The following AUTS2 variants were observed in gnomAD, a reference collection of about 807,000 sequenced individuals.
AUTS2 encodes the protein autism susceptibility gene 2 protein.
In AUTS2, 17 loss-of-function variants were observed where a neutral mutation model predicts 112.4. The observed-to-expected ratio is 0.15, with a 90% CI of 0.10 to 0.23. The LOEUF is 0.23. AUTS2 is among the 10% of genes least tolerant of loss of function. The pLI, the probability that AUTS2 is intolerant of heterozygous loss-of-function variation, is 1.00. For synonymous variants in AUTS2, 751 were observed against 702.7 expected (o/e 1.07, Z -1.09); for missense variants, 1,510 against 1,701.6 (o/e 0.89, Z 1.98).
intron 2 of AUTS2, among the ~76,000 whole-genome samples, chr7:70,030,136 T>C (rs747078159): frequency 5.3e-5 from 8 of 152,208 alleles, no homozygotes; most frequent in Non-Finnish European, 8.8e-5. Context: ...ACTACCATGA[T>C]TGGCCCAAAT....
chr7:70,155,107 TAG>T (rs940306504), intron 4 of AUTS2, among the ~76,000 whole-genome samples: 2 of 152,174 alleles, frequency 1.3e-5, no homozygotes, highest in African/African-American at 2.4e-5. Flanking sequence ...GGAATATTTC[TAG>T]AGAGTGGTCA....
chr7:69,866,598 T>C (rs1793244615), intron 1 of AUTS2, among the ~76,000 whole-genome samples: 1 of 152,224 alleles, frequency 6.6e-6, no homozygotes, highest in Non-Finnish European at 1.5e-5. Context: ...AAATGCAATA[T>C]ACTGTTGCAA....
chr7:70,791,172 T>TTGAGA lies in AUTS2; in HGVS notation c.*178_*182dup. The TTGAGA allele has an allele frequency of 1.7e-6, 1 of 600,460 alleles. No individual in the cohort carries two copies. Among genetic ancestry groups the TTGAGA allele is most frequent in the Non-Finnish European group, 2.4e-6 (1 of 408,372 alleles). The allele number at this position is 600,460 out of a possible 1,614,324, so 37.2% of individuals were successfully genotyped here. ...TTTGAAATGTTTTGTATATTATATGTTGAGATTTTTCAGATCTTTTAGCCC... is the reference window on the plus strand; with the variant it reads ...TTTGAAATGTTTTGTATATTATATGTTGAGATGAGATTTTTCAGATCTTTTAGCCC... On this transcript the variant is annotated 3_prime_UTR_variant, in exon 19 of 19. Coordinates refer to ENST00000342771, the MANE Select transcript of AUTS2 (RefSeq NM_015570.4).
intron 2 of AUTS2, among the ~76,000 whole-genome samples, chr7:69,998,077 C>A (rs1009828633): frequency 2.0e-5 from 3 of 152,112 alleles, no homozygotes; most frequent in Non-Finnish European, 4.4e-5. Flanking sequence ...TTTGAATACA[C>A]CCAATTTCTC....
At chr7:70,231,943 T>G (rs972091898) in intron 4 of AUTS2, among the ~76,000 whole-genome samples, 3 of 151,738 alleles carry the variant, frequency 2.0e-5, no homozygotes, top group Non-Finnish European at 4.4e-5. Context: ...CTGGCTAATT[T>G]TTTTGTATTT....
At chr7:70,383,562 T>G (rs1262581915) in intron 4 of AUTS2, among the ~76,000 whole-genome samples, 7 of 152,238 alleles carry the variant, frequency 4.6e-5, no homozygotes, top group Admixed American at 4.6e-4. Context: ...GCAGAATCTG[T>G]TCTGCATCTT....
chr7:70,698,362 A>AT (rs58543886), intron 5 of AUTS2, among the ~76,000 whole-genome samples: 5 of 150,484 alleles, frequency 3.3e-5, no homozygotes, highest in Admixed American at 6.6e-5. Flanking sequence ...TTAAAATCAG[A>AT]TTTTTTTCCC....
At chr7:70,458,245 C>G (rs187447080) in intron 5 of AUTS2, among the ~76,000 whole-genome samples, 1 of 152,316 alleles carries the variant, frequency 6.6e-6, no homozygotes, top group African/African-American at 2.4e-5. Context: ...ATAATTTAAC[C>G]TGCCCACATT....
chr7:70,650,859 G>A (rs1027805899), intron 5 of AUTS2, among the ~76,000 whole-genome samples: 2 of 152,174 alleles, frequency 1.3e-5, no homozygotes, highest in South Asian at 4.1e-4. Flanking sequence ...ATGACAGTTA[G>A]ACATAAATTA....
At chr7:70,311,165 A>G (rs1310163266) in intron 4 of AUTS2, among the ~76,000 whole-genome samples, 1 of 152,190 alleles carries the variant, frequency 6.6e-6, no homozygotes, top group Non-Finnish European at 1.5e-5. Flanking sequence ...TACAAAGCCT[A>G]TTGATTCTCT....
At chr7:70,134,679 TC>T in intron 4 of AUTS2, 108 bp downstream of exon 4, 1 of 1,025,812 alleles carries the variant, frequency 9.7e-7, no homozygotes. Context: ...TCTCTCTCAG[TC>T]CTAAAGAGCA....
intron 5 of AUTS2, among the ~76,000 whole-genome samples, chr7:70,483,287 T>A (rs898925252): frequency 6.6e-6 from 1 of 152,164 alleles, no homozygotes; most frequent in Non-Finnish European, 1.5e-5. Flanking sequence ...AAGGACTATG[T>A]GATGAGGATG....
chr7:69,958,087 C>A (rs143543215), intron 2 of AUTS2, among the ~76,000 whole-genome samples: 2 of 152,262 alleles, frequency 1.3e-5, no homozygotes, highest in East Asian at 3.9e-4. Flanking sequence ...TTCATTCATT[C>A]ATTCCTTCAC....
rs57223380 is a variant in AUTS2 at position 70,703,490 on chromosome 7, CA to C, written c.742+4892del. ...TGGGCGACAGAGTGAGACACCATTTCAAAAAAAAAAAAAAAAAAAAAAGGCC... is the reference window on the plus strand; with the variant it reads ...TGGGCGACAGAGTGAGACACCATTTCAAAAAAAAAAAAAAAAAAAAAGGCC... On this transcript the variant is annotated intron_variant, in intron 6 of 18. Coordinates refer to ENST00000342771, the MANE Select transcript of AUTS2 (RefSeq NM_015570.4). 1.4e-3 allele frequency among the ~76,000 whole-genome samples: 136 copies of C among 98,586 alleles called. 1 individual carries two copies. The highest frequency in any genetic ancestry group is 3.5e-3 in the Admixed American group (28 of 8,106). The allele number at this position is 98,586 out of a possible 152,430, so 64.7% of individuals were successfully genotyped here.
intron 4 of AUTS2, among the ~76,000 whole-genome samples, chr7:70,425,283 A>G (rs1489700775): frequency 6.6e-6 from 1 of 152,210 alleles, no homozygotes; most frequent in Non-Finnish European, 1.5e-5. Context: ...GCAATTACCT[A>G]TTGAAGACAA....
intron 4 of AUTS2, among the ~76,000 whole-genome samples, chr7:70,434,661 C>G (rs531438781): frequency 6.6e-6 from 1 of 152,184 alleles, no homozygotes; most frequent in African/African-American, 2.4e-5. Context: ...TGTGCACTCT[C>G]TCCACGTTCC....
intron 1 of AUTS2, among the ~76,000 whole-genome samples, chr7:69,673,097 C>G (rs1340917096): frequency 6.6e-6 from 1 of 152,122 alleles, no homozygotes; most frequent in Non-Finnish European, 1.5e-5. Flanking sequence ...AGCTTATGCC[C>G]TTTTTCCTAC....
intron 1 of AUTS2, among the ~76,000 whole-genome samples, chr7:69,881,878 G>C (rs923959637): frequency 6.6e-6 from 1 of 152,162 alleles, no homozygotes; most frequent in African/African-American, 2.4e-5. Flanking sequence ...TGGACCAGGC[G>C]TGGTGGCTCA....
Position 70,036,262 on chromosome 7 carries a change from C to T in AUTS2, c.523-81870C>T, listed in dbSNP as rs141591432. Among the ~76,000 whole-genome samples the T allele has an allele frequency of 5.4e-3, 826 of 152,202 alleles. 5 individuals carry two copies. The highest frequency in any genetic ancestry group is 7.9e-3 in the Non-Finnish European group (537 of 68,012). On this transcript the variant is annotated intron_variant, in intron 2 of 18. Coordinates refer to ENST00000342771, the MANE Select transcript of AUTS2 (RefSeq NM_015570.4). Reference sequence around the variant, plus strand: ...TGGAAATGCATGCCAAGTTTGAGGCCGAGTTCAGGATTTTGTATTCCATGA... The same window carrying T: ...TGGAAATGCATGCCAAGTTTGAGGCTGAGTTCAGGATTTTGTATTCCATGA...
Sources: allele counts gnomAD v4.1 joint callset (sites outside exome capture counted in the v4.1 genomes callset), GRCh38; gene constraint gnomAD v4.1.1; transcripts MANE v1.5; gene names NCBI Gene and HGNC (gene_info 2026-07-23, HGNC 2026-07-21).